MACROD2: variants seen among roughly 807,000 people sequenced by gnomAD.
MACROD2 encodes the protein mono-ADP ribosylhydrolase 2, also known as ADP-ribose glycohydrolase MACROD2.
MACROD2 carries 36 observed loss-of-function variants against 70.4 expected under a neutral mutation model. The ratio of observed to expected loss-of-function variants is 0.51; its 90% CI spans 0.39 to 0.68. MACROD2 has a LOEUF of 0.68. Among genes scored for constraint, MACROD2 ranks in the 30% least tolerant of loss-of-function variants. The probability of loss-of-function intolerance (pLI) is 0.00; values close to 1 mark genes in which losing one functional copy is unlikely to be tolerated. For missense variants in MACROD2, 496 were observed against 538.4 expected (o/e 0.92, Z 0.78); for synonymous variants, 172 against 178.8 (o/e 0.96, Z 0.30).
At chr20:14,817,160 A>G (rs2072783309) in intron 5 of MACROD2, among the ~76,000 whole-genome samples, 1 of 152,100 alleles carries the variant, frequency 6.6e-6, no homozygotes, top group Non-Finnish European at 1.5e-5. Flanking sequence ...AGTGCTAATT[A>G]ATGTTAGAAT....
At chr20:15,156,260 T>G (rs1465130550) in intron 5 of MACROD2, among the ~76,000 whole-genome samples, 1 of 152,202 alleles carries the variant, frequency 6.6e-6, no homozygotes, top group East Asian at 1.9e-4. Flanking sequence ...TTTCCCAGGT[T>G]GACCATCAGG....
At chr20:14,875,696 C>T (rs1050992304) in intron 5 of MACROD2, among the ~76,000 whole-genome samples, 1 of 151,982 alleles carries the variant, frequency 6.6e-6, no homozygotes, top group African/African-American at 2.4e-5. Context: ...TCCATGTGTG[C>T]CCAGTGTTTG....
intron 5 of MACROD2, among the ~76,000 whole-genome samples, chr20:14,824,292 T>C (rs1386755333): frequency 1.3e-5 from 2 of 152,072 alleles, no homozygotes; most frequent in Non-Finnish European, 2.9e-5. Context: ...GCAGAATTCT[T>C]GGGAGTTGGT....
chr20:15,777,609 C>T (rs1426353329), intron 8 of MACROD2, among the ~76,000 whole-genome samples: 1 of 133,616 alleles, frequency 7.5e-6, no homozygotes, highest in Non-Finnish European at 1.6e-5. Flanking sequence ...TTCCCTCCCT[C>T]CCTCTCTCCC....
At chr20:14,004,630 CAAG>C (rs1175111096) in intron 2 of MACROD2, among the ~76,000 whole-genome samples, 5 of 151,846 alleles carry the variant, frequency 3.3e-5, no homozygotes, top group Non-Finnish European at 7.4e-5. Flanking sequence ...AAATATTAGT[CAAG>C]AGAGTTTTAG....
chr20:15,539,417 C>A (rs112468618), intron 8 of MACROD2, among the ~76,000 whole-genome samples: 1 of 152,150 alleles, frequency 6.6e-6, no homozygotes, highest in African/African-American at 2.4e-5. Context: ...TCACATGAAA[C>A]GGGCCAAGAA....
chr20:14,274,876 A>G (rs540016016), intron 3 of MACROD2, among the ~76,000 whole-genome samples: 1 of 150,898 alleles, frequency 6.6e-6, no homozygotes, highest in Non-Finnish European at 1.5e-5. Flanking sequence ...GAGCCAAATC[A>G]TGAGTGAACT....
At chr20:14,455,178 G>C (rs1334983378) in intron 3 of MACROD2, among the ~76,000 whole-genome samples, 1 of 151,822 alleles carries the variant, frequency 6.6e-6, no homozygotes, top group Non-Finnish European at 1.5e-5. Context: ...TAACACCTCA[G>C]CTATTAAATT....
chr20:16,035,751 CT>C (rs2067226265), intron 15 of MACROD2, among the ~76,000 whole-genome samples: 1 of 145,258 alleles, frequency 6.9e-6, no homozygotes, highest in South Asian at 2.3e-4. Flanking sequence ...TTAGGATCAA[CT>C]GCAACTAGTC....
At chr20:14,088,256 G>A (rs905881107) in intron 3 of MACROD2, among the ~76,000 whole-genome samples, 1 of 150,808 alleles carries the variant, frequency 6.6e-6, no homozygotes, top group African/African-American at 2.4e-5. Flanking sequence ...CTTGAACCCG[G>A]GAGGCAGAGG....
intron 5 of MACROD2, among the ~76,000 whole-genome samples, chr20:14,762,200 G>T (rs563917473): frequency 6.6e-6 from 1 of 152,072 alleles, no homozygotes; most frequent in East Asian, 1.9e-4. Flanking sequence ...TGCCCGCCAG[G>T]GTCTGTGTCA....
At chr20:14,224,323 T>C (rs2081712154) in intron 3 of MACROD2, among the ~76,000 whole-genome samples, 1 of 152,220 alleles carries the variant, frequency 6.6e-6, no homozygotes, top group South Asian at 2.1e-4. Flanking sequence ...TGTTTATGAC[T>C]GTGCTTCAAG....
intron 3 of MACROD2, among the ~76,000 whole-genome samples, chr20:14,432,497 G>C (rs1364050975): frequency 6.6e-6 from 1 of 151,378 alleles, no homozygotes; most frequent in Non-Finnish European, 1.5e-5. Flanking sequence ...AAAATGTGTT[G>C]AATAAATGAA....
chr20:14,558,945 C>A (rs1046436749), intron 4 of MACROD2, among the ~76,000 whole-genome samples: 5 of 151,496 alleles, frequency 3.3e-5, no homozygotes, highest in South Asian at 4.1e-4. Context: ...GTGATGTGAT[C>A]CTTTTCAAGC....
chr20:14,753,217 A>G (rs1337891626), intron 5 of MACROD2, among the ~76,000 whole-genome samples: 1 of 152,026 alleles, frequency 6.6e-6, no homozygotes, highest in Non-Finnish European at 1.5e-5. Context: ...TACACCATAT[A>G]TATCTTCTTT....
chr20:15,094,866 A>G (rs1306087521), intron 5 of MACROD2, among the ~76,000 whole-genome samples: 1 of 152,130 alleles, frequency 6.6e-6, no homozygotes, highest in East Asian at 1.9e-4. Context: ...ACATAGGGAC[A>G]TCAATGAGAG....
At chr20:14,251,727 T>C (rs995678007) in intron 3 of MACROD2, among the ~76,000 whole-genome samples, 24 of 152,082 alleles carry the variant, frequency 1.6e-4, no homozygotes, top group African/African-American at 5.8e-4. Context: ...TCAAATATCT[T>C]CACTATGTTT....
chr20:14,965,690 G>A (rs898458988), intron 5 of MACROD2, among the ~76,000 whole-genome samples: 4 of 150,790 alleles, frequency 2.7e-5, no homozygotes, highest in African/African-American at 9.7e-5. Context: ...GGATGGTCTC[G>A]ATCTCCTGAC....
chr20:14,548,117 A>G (rs542341465), intron 4 of MACROD2, among the ~76,000 whole-genome samples: 10 of 152,188 alleles, frequency 6.6e-5, no homozygotes, highest in Non-Finnish European at 1.3e-4. Flanking sequence ...TGTGTAAAAA[A>G]TTGGAGGAAT....
Sources: gnomAD v4.1 joint callset for allele counts (sites outside exome capture counted in the v4.1 genomes callset) on GRCh38, gnomAD v4.1.1 for gene constraint, MANE v1.5 for transcripts, NCBI Gene and HGNC (gene_info 2026-07-23, HGNC 2026-07-21) for gene names.